Variants in CDH13 observed in about 807,000 individuals in gnomAD.
CDH13 encodes cadherin-13.
In CDH13, 24 loss-of-function variants were observed where a neutral mutation model predicts 63.8. The ratio of observed to expected loss-of-function variants is 0.38; its 90% CI spans 0.27 to 0.53. The LOEUF is 0.53. Ranked by LOEUF, CDH13 falls within the 20% of genes least tolerant of loss-of-function variation. The pLI is 0.85. For missense variants in CDH13, 1,049 were observed against 903.1 expected, an observed-to-expected ratio of 1.16 and a Z score of -2.07; for synonymous variants, 503 against 355.3, an observed-to-expected ratio of 1.42 and a Z score of -4.67.
At chr16:83,225,441 T>C (rs1364099864) in intron 5 of CDH13, among the ~76,000 whole-genome samples, 1 of 152,214 alleles carries the variant, frequency 6.6e-6, no homozygotes, top group African/African-American at 2.4e-5. Context: ...GCTTCCTTGC[T>C]GCATCCTGCC....
chr16:82,758,426 ACCC>A (rs5818402), intron 1 of CDH13, among the ~76,000 whole-genome samples: 6 of 149,366 alleles, frequency 4.0e-5, no homozygotes, highest in Admixed American at 1.3e-4. Flanking sequence ...GACTGTTGAT[ACCC>A]CCCCCCCTTT....
chr16:83,390,801 C>A (rs1470329451), intron 6 of CDH13, among the ~76,000 whole-genome samples: 1 of 152,144 alleles, frequency 6.6e-6, no homozygotes, highest in African/African-American at 2.4e-5. Flanking sequence ...AATATTTATT[C>A]AGCCGAGGTA....
In CDH13 at chr16:82,921,232, A is replaced by C. The variant is rs113419128; in HGVS notation, c.157+62759A>C. On this transcript the variant is annotated intron_variant, in intron 2 of 13. Coordinates refer to ENST00000567109, the MANE Select transcript of CDH13 (RefSeq NM_001257.5). ...TGGAGCCCAGAAGTCCAAAATCGGCATCAGTGGGTGGAATTAAGTGCTGGC... is the reference window on the plus strand; with the variant it reads ...TGGAGCCCAGAAGTCCAAAATCGGCCTCAGTGGGTGGAATTAAGTGCTGGC... Among the ~76,000 whole-genome samples, 39 of 152,270 alleles carry C rather than the reference A, an allele frequency of 2.6e-4. 1 individual carries two copies. Among genetic ancestry groups the C allele is most frequent in the African/African-American group, 8.9e-4 (37 of 41,562 alleles).
rs147274130 is a variant in CDH13, at chr16:83,267,120, C to T, written c.636+49623C>T. On this transcript the variant is annotated intron_variant, in intron 5 of 13. Coordinates refer to ENST00000567109, the MANE Select transcript of CDH13 (RefSeq NM_001257.5). Reference sequence around the variant, plus strand: ...AATCCTGAAGTGCAGCAGAGACATGCATGCCTCATTCTTTGCTAAAACAGA... The same window carrying T: ...AATCCTGAAGTGCAGCAGAGACATGTATGCCTCATTCTTTGCTAAAACAGA... 3.8e-3 allele frequency among the ~76,000 whole-genome samples: 581 copies of T among 152,318 alleles called. 4 individuals carry two copies. The highest frequency in any genetic ancestry group is 6.3e-3 in the Non-Finnish European group (429 of 68,028).
chr16:83,196,033 A>G (rs559546187), intron 4 of CDH13, among the ~76,000 whole-genome samples: 4 of 152,302 alleles, frequency 2.6e-5, no homozygotes, highest in Admixed American at 2.0e-4. Context: ...AGGCAGGCGG[A>G]TCACCTGAGG....
At chr16:83,027,043 G>A (rs1049727819) in intron 2 of CDH13, among the ~76,000 whole-genome samples, 15 of 151,586 alleles carry the variant, frequency 9.9e-5, no homozygotes, top group Admixed American at 7.9e-4. Flanking sequence ...GTCACTACGG[G>A]CCTCTTATCC....
chr16:83,437,704 G>C (rs758083287), intron 6 of CDH13, among the ~76,000 whole-genome samples: 1 of 151,758 alleles, frequency 6.6e-6, no homozygotes. Context: ...AAAAATAAAG[G>C]CTTCACATAA....
intron 6 of CDH13, among the ~76,000 whole-genome samples, chr16:83,379,938 T>TATATAGAGAGAGAGAGAGAG: frequency 8.5e-4 from 105 of 123,434 alleles, no homozygotes; most frequent in Non-Finnish European, 1.5e-3. Context: ...TATATATATA[T>TATATAGAGAGAGAGAGAGAG]AGAGAGAGAG....
intron 4 of CDH13, among the ~76,000 whole-genome samples, chr16:83,174,825 T>C (rs556208631): frequency 7.2e-5 from 11 of 152,156 alleles, no homozygotes; most frequent in African/African-American, 1.9e-4. Context: ...GCACATCTTA[T>C]CACAGTAAAG....
chr16:83,167,598 ATCTT>A (rs2037735288), intron 4 of CDH13, among the ~76,000 whole-genome samples: 1 of 151,078 alleles, frequency 6.6e-6, no homozygotes, highest in Non-Finnish European at 1.5e-5. Context: ...GTTTTGCTAA[ATCTT>A]TCTATGTTCC....
At chr16:82,803,756 T>C (rs112352371) in intron 1 of CDH13, among the ~76,000 whole-genome samples, 7,727 of 150,950 alleles carry the variant, frequency 0.051, 308 homozygotes, top group Non-Finnish European at 0.08. Context: ...TCCACTTATA[T>C]GAGGTATCTA....
chr16:83,197,017 C>G (rs913321249), intron 4 of CDH13, among the ~76,000 whole-genome samples: 2 of 152,092 alleles, frequency 1.3e-5, no homozygotes, highest in Non-Finnish European at 2.9e-5. Flanking sequence ...TTCATATTTG[C>G]CAGAAACTGA....
chr16:82,957,045 T>G (rs921921159), intron 2 of CDH13, among the ~76,000 whole-genome samples: 8 of 152,178 alleles, frequency 5.3e-5, no homozygotes, highest in African/African-American at 1.9e-4. Flanking sequence ...GGCTTCCCTC[T>G]TATTTTATGG....
chr16:82,676,599 C>G (rs1253658813), intron 1 of CDH13, among the ~76,000 whole-genome samples: 1 of 146,460 alleles, frequency 6.8e-6, no homozygotes, highest in Non-Finnish European at 1.5e-5. Flanking sequence ...CAGAATGATT[C>G]TTTGAAAGCT....
chr16:83,153,721 A>G (rs2037086861), intron 4 of CDH13, among the ~76,000 whole-genome samples: 1 of 152,196 alleles, frequency 6.6e-6, no homozygotes, highest in African/African-American at 2.4e-5. Context: ...TTAGAGACTC[A>G]GAAGGAACCA....
At chr16:83,620,642 C>G (rs1909727942) in intron 8 of CDH13, among the ~76,000 whole-genome samples, 1 of 152,236 alleles carries the variant, frequency 6.6e-6, no homozygotes, top group Middle Eastern at 3.4e-3. Flanking sequence ...GCCACATGCT[C>G]TCTCTCACCT....
At chr16:83,219,076 C>T (rs1308379759) in intron 5 of CDH13, among the ~76,000 whole-genome samples, 3 of 152,150 alleles carry the variant, frequency 2.0e-5, no homozygotes, top group Admixed American at 6.5e-5. Flanking sequence ...AGCATGAGAA[C>T]GGACTAATAC....
At chr16:83,594,690 GA>G (rs1240314783) in intron 7 of CDH13, among the ~76,000 whole-genome samples, 1 of 152,194 alleles carries the variant, frequency 6.6e-6, no homozygotes, top group Admixed American at 6.5e-5. Context: ...GGGTTAATGG[GA>G]AAACCTTTTT....
At chr16:82,860,343 T>G (rs1348996531) in intron 2 of CDH13, among the ~76,000 whole-genome samples, 2 of 127,828 alleles carry the variant, frequency 1.6e-5, no homozygotes, top group Non-Finnish European at 3.1e-5. Flanking sequence ...TAATTTAAAG[T>G]AAGCCATACT....
Sources: allele counts gnomAD v4.1 joint callset (sites outside exome capture counted in the v4.1 genomes callset), GRCh38; gene constraint gnomAD v4.1.1; transcripts MANE v1.5; gene names NCBI Gene and HGNC (gene_info 2026-07-23, HGNC 2026-07-21).